SLCO3A1: variants seen among roughly 807,000 people sequenced by gnomAD.
SLCO3A1 encodes PGE1 transporter.
SLCO3A1 carries 27 observed loss-of-function variants against 63.1 expected under a neutral mutation model. The ratio of observed to expected loss-of-function variants is 0.43; its 90% confidence interval spans 0.32 to 0.59. The LOEUF is 0.59. Among genes scored for constraint, SLCO3A1 ranks in the 20% least tolerant of loss-of-function variants. The pLI is 0.09. For synonymous variants in SLCO3A1, 473 were observed against 409.9 expected (o/e 1.15, Z -1.86); for missense variants, 773 against 945.8 (o/e 0.82, Z 2.40).
At chr15:92,047,575 T>TAAATATATAA (rs2046899668) in intron 2 of SLCO3A1, among the ~76,000 whole-genome samples, 1 of 21,526 alleles carries the variant, frequency 4.6e-5, no homozygotes, top group African/African-American at 1.9e-4. Flanking sequence ...TATATAAATA[T>TAAATATATAA]ATATATAATA....
intron 2 of SLCO3A1, among the ~76,000 whole-genome samples, chr15:92,091,064 C>T (rs73540457): frequency 2.0e-4 from 30 of 152,278 alleles, no homozygotes; most frequent in African/African-American, 6.7e-4. Context: ...AAAACCTGGG[C>T]AATCCTTCCC....
At chr15:92,078,375 C>T (rs2047304061) in intron 2 of SLCO3A1, among the ~76,000 whole-genome samples, 1 of 152,214 alleles carries the variant, frequency 6.6e-6, no homozygotes, top group Admixed American at 6.5e-5. Flanking sequence ...CAGGTGTCTC[C>T]CTGAGGCCAC....
intron 2 of SLCO3A1, among the ~76,000 whole-genome samples, chr15:91,919,994 C>A (rs1898790603): frequency 6.6e-6 from 1 of 152,136 alleles, no homozygotes; most frequent in Non-Finnish European, 1.5e-5. Flanking sequence ...AATTTCATTT[C>A]TCTTACTATT....
chr15:92,008,270 G>T (rs1164357464), intron 2 of SLCO3A1, among the ~76,000 whole-genome samples: 2 of 152,180 alleles, frequency 1.3e-5, no homozygotes, highest in African/African-American at 4.8e-5. Context: ...CAGCAAGTGA[G>T]ACCTCCCTGG....
rs3743370 is a variant in SLCO3A1, at chr15:92,164,065, C to T, written c.*930C>T. On this transcript the variant is annotated 3_prime_UTR_variant, in exon 10 of 10. Coordinates refer to ENST00000318445, the MANE Select transcript of SLCO3A1 (RefSeq NM_013272.4). Reference sequence around the variant, plus strand: ...AAAAAAATACAATCCATATGAATTTCAAACTGTTGTATGTATAATCCTCTA... The same window carrying T: ...AAAAAAATACAATCCATATGAATTTTAAACTGTTGTATGTATAATCCTCTA... 0.62 allele frequency: 611,081 copies of T among 982,634 alleles called. 191,197 individuals carry two copies. The highest frequency in any genetic ancestry group is 0.73 in the Middle Eastern group (1,390 of 1,906). The allele number at this position is 982,634 out of a possible 1,614,324, so 60.9% of individuals were successfully genotyped here.
chr15:91,917,236 G>T (rs1355600237), intron 2 of SLCO3A1, among the ~76,000 whole-genome samples: 1 of 152,144 alleles, frequency 6.6e-6, no homozygotes, highest in Non-Finnish European at 1.5e-5. Context: ...CCTGCCAGCT[G>T]CTGGATTTTT....
chr15:92,014,693 G>T (rs748429283), intron 2 of SLCO3A1, among the ~76,000 whole-genome samples: 1 of 152,056 alleles, frequency 6.6e-6, no homozygotes, highest in Non-Finnish European at 1.5e-5. Context: ...ACATTTATTG[G>T]GTGCCTAGTC....
At chr15:92,135,500 C>T (rs543816368) in intron 7 of SLCO3A1, among the ~76,000 whole-genome samples, 1 of 152,306 alleles carries the variant, frequency 6.6e-6, no homozygotes, top group South Asian at 2.1e-4. Context: ...TTCAGTGTCC[C>T]CTTTGCCTTG....
chr15:92,167,846 C>T (rs1490983909), downstream of SLCO3A1, among the ~76,000 whole-genome samples: 1 of 152,174 alleles, frequency 6.6e-6, no homozygotes, highest in Non-Finnish European at 1.5e-5. Flanking sequence ...TTTTGGAAAG[C>T]AAAGATGGCC....
chr15:92,122,253 G>A (rs1050215016), intron 5 of SLCO3A1, among the ~76,000 whole-genome samples: 3 of 152,214 alleles, frequency 2.0e-5, no homozygotes, highest in African/African-American at 7.2e-5. Flanking sequence ...TGAGAATGTG[G>A]TGATACAGCC....
chr15:92,095,004 C>A, intron 3 of SLCO3A1, 25 bp downstream of exon 3: 2 of 1,478,212 alleles, frequency 1.4e-6, no homozygotes, highest in Non-Finnish European at 1.9e-6. Flanking sequence ...TCCATGTCTA[C>A]CTTCCATCCG....
chr15:92,158,992 A>G (rs911810180), intron 9 of SLCO3A1, among the ~76,000 whole-genome samples: 5 of 152,210 alleles, frequency 3.3e-5, no homozygotes, highest in African/African-American at 2.4e-5. Flanking sequence ...CAAATCCCCT[A>G]TCTAACATGA....
chr15:92,024,386 G>A (rs2046545532), intron 2 of SLCO3A1, among the ~76,000 whole-genome samples: 1 of 152,152 alleles, frequency 6.6e-6, no homozygotes, highest in Admixed American at 6.5e-5. Context: ...ATGAGCCTTG[G>A]GTCCAGTGGG....
At chr15:91,903,453 A>G (rs4327025) in intron 1 of SLCO3A1, among the ~76,000 whole-genome samples, 34,131 of 152,152 alleles carry the variant, frequency 0.22, 3,921 homozygotes, top group East Asian at 0.38. Flanking sequence ...CGGACAGGAC[A>G]GTGTGGCGAG....
chr15:91,944,877 C>G (rs922434937), intron 2 of SLCO3A1, among the ~76,000 whole-genome samples: 2 of 152,140 alleles, frequency 1.3e-5, no homozygotes, highest in Non-Finnish European at 2.9e-5. Flanking sequence ...TTGCACTTCC[C>G]TTAAGCTTTC....
At chr15:92,025,351 G>A (rs992223343) in intron 2 of SLCO3A1, among the ~76,000 whole-genome samples, 1 of 152,264 alleles carries the variant, frequency 6.6e-6, no homozygotes, top group African/African-American at 2.4e-5. Context: ...TAAGGCTGTG[G>A]ATGATACTTC....
rs1346251813 is a variant in SLCO3A1 at position 92,094,998 on chromosome 15, T to G, written c.745+19T>G. 1.3e-6 allele frequency: 2 copies of G among 1,506,628 alleles called. No homozygotes were observed. Among genetic ancestry groups the G allele is most frequent in the East Asian group, 2.3e-5 (1 of 44,358 alleles). 93.3% of individuals were successfully genotyped at this position (1,506,628 alleles called of 1,614,324 possible). On this transcript the variant is annotated intron_variant, in intron 3 of 9. Coordinates refer to ENST00000318445, the MANE Select transcript of SLCO3A1 (RefSeq NM_013272.4). ...GACACAAGTAAGGAATATATCTCCA[T>G]GTCTACCTTCCATCCGCAAGCGTTT...
intron 2 of SLCO3A1, among the ~76,000 whole-genome samples, chr15:92,005,579 G>T (rs1481325021): frequency 6.6e-6 from 1 of 152,194 alleles, no homozygotes; most frequent in Non-Finnish European, 1.5e-5. Context: ...GCACCTGCCT[G>T]TGCTTTGCTG....
chr15:91,904,280 C>A (rs1898237299), intron 1 of SLCO3A1, among the ~76,000 whole-genome samples: 1 of 152,134 alleles, frequency 6.6e-6, no homozygotes, highest in Non-Finnish European at 1.5e-5. Flanking sequence ...GCACCTTGAC[C>A]AGATACTGTG....
Sources: allele counts gnomAD v4.1 joint callset (sites outside exome capture counted in the v4.1 genomes callset), GRCh38; gene constraint gnomAD v4.1.1; transcripts MANE v1.5; gene names NCBI Gene and HGNC (gene_info 2026-07-23, HGNC 2026-07-21).